SLC17A8: variants seen among roughly 807,000 people sequenced by gnomAD.
The protein encoded by SLC17A8 is vesicular glutamate transporter 3.
Under a neutral mutation model 58.0 loss-of-function variants are expected in SLC17A8, and 31 were observed. The ratio of observed to expected loss-of-function variants is 0.53; its 90% CI spans 0.40 to 0.72. The LOEUF (loss-of-function observed/expected upper bound fraction) is 0.72. Among genes scored for constraint, SLC17A8 ranks in the 30% least tolerant of loss-of-function variants. The probability of loss-of-function intolerance (pLI) is 0.00; values close to 1 mark genes in which losing one functional copy is unlikely to be tolerated. For synonymous variants in SLC17A8, 228 were observed against 249.0 expected, an observed-to-expected ratio of 0.92 and a Z score of 0.79; for missense variants, 655 against 727.8, an observed-to-expected ratio of 0.90 and a Z score of 1.15.
intron 3 of SLC17A8, among the ~76,000 whole-genome samples, chr12:100,391,967 T>C (rs566102598): frequency 2.5e-4 from 38 of 152,260 alleles, no homozygotes; most frequent in African/African-American, 9.1e-4. Flanking sequence ...AGTGGGTGTT[T>C]GAGCAATTAA....
At chr12:100,394,769 AGATT>A (rs1015006712) in intron 4 of SLC17A8, among the ~76,000 whole-genome samples, 3 of 147,786 alleles carry the variant, frequency 2.0e-5, no homozygotes, top group African/African-American at 7.4e-5. Flanking sequence ...AATTATATAT[AGATT>A]AATTATAACA....
intron 2 of SLC17A8, among the ~76,000 whole-genome samples, chr12:100,385,116 C>CTGTGTG (rs373349125): frequency 2.5e-4 from 37 of 148,854 alleles, no homozygotes; most frequent in Non-Finnish European, 5.2e-4. Context: ...CTCTCTCTCT[C>CTGTGTG]TGTGTGTGTG....
intron 2 of SLC17A8, among the ~76,000 whole-genome samples, chr12:100,387,495 T>C (rs1592996468): frequency 1.3e-5 from 2 of 152,208 alleles, no homozygotes; most frequent in East Asian, 3.9e-4. Flanking sequence ...CTAGGGGCTC[T>C]TCTTCATGTA....
intron 9 of SLC17A8, among the ~76,000 whole-genome samples, chr12:100,408,824 C>T (rs760315787): frequency 4.6e-5 from 7 of 152,164 alleles, no homozygotes; most frequent in Non-Finnish European, 8.8e-5. Flanking sequence ...TTCTAAGACA[C>T]ATATAGTTAG....
chr12:100,373,998 G>A (rs1952576996), intron 1 of SLC17A8, among the ~76,000 whole-genome samples: 2 of 152,170 alleles, frequency 1.3e-5, no homozygotes, highest in Admixed American at 6.6e-5. Context: ...GGAAACACCA[G>A]GGATGGCAGA....
Position 100,420,100 on chromosome 12 carries a change from G to A in SLC17A8, c.1711G>A (p.Asp571Asn). The A allele has an allele frequency of 1.2e-6, 2 of 1,614,042 alleles. No homozygotes were observed. The highest frequency in any genetic ancestry group is 1.1e-5 in the South Asian group (1 of 91,054). ...GAAAGGACAGAGAGGAGCGACCCTT[G>A]ATGAGGAAGAGCTGACATCCTACCA... is the stretch of plus-strand genomic sequence containing the variant. The part of the protein sequence containing the change: ...EWKGQRGATL[D>N]EEELTSYQNE... The change falls in exon 12 of 12, where the codon GAT becomes AAT. Residue 571 changes from aspartate (D) to asparagine (N), a missense_variant. Physicochemically the swap from Asp to Asn is conservative, Grantham distance 23. Transcript: ENST00000323346.
intron 9 of SLC17A8, among the ~76,000 whole-genome samples, chr12:100,407,357 A>G (rs890724211): frequency 6.6e-6 from 1 of 152,194 alleles, no homozygotes; most frequent in African/African-American, 2.4e-5. Flanking sequence ...TCTTGTTCCT[A>G]TTTAATTCTG....
chr12:100,375,471 G>A (rs1169211139), intron 1 of SLC17A8, among the ~76,000 whole-genome samples: 1 of 152,188 alleles, frequency 6.6e-6, no homozygotes, highest in African/African-American at 2.4e-5. Flanking sequence ...GCTGTCAGAG[G>A]AGTCCTGCCT....
At chr12:100,398,832 G>A (rs1463714323) in intron 5 of SLC17A8, among the ~76,000 whole-genome samples, 6 of 152,126 alleles carry the variant, frequency 3.9e-5, no homozygotes, top group African/African-American at 1.2e-4. Flanking sequence ...TGCTTTTCTC[G>A]TGGTAGTGAA....
intron 5 of SLC17A8, among the ~76,000 whole-genome samples, chr12:100,397,805 C>G (rs1169395736): frequency 6.6e-6 from 1 of 151,808 alleles, no homozygotes; most frequent in Non-Finnish European, 1.5e-5. Flanking sequence ...TAGCTGGGTG[C>G]GGTGGCTCAT....
chr12:100,403,758 G>T (rs902178855), intron 8 of SLC17A8, among the ~76,000 whole-genome samples: 1 of 152,158 alleles, frequency 6.6e-6, no homozygotes, highest in African/African-American at 2.4e-5. Context: ...GGTGCCAAGT[G>T]CTTTATCTCC....
intron 10 of SLC17A8, among the ~76,000 whole-genome samples, chr12:100,415,441 A>T (rs1952899421): frequency 6.6e-6 from 1 of 151,384 alleles, no homozygotes; most frequent in Non-Finnish European, 1.5e-5. Flanking sequence ...CTCAAAAAAA[A>T]AAAAAAAAAT....
chr12:100,357,359 C>T lies in SLC17A8; in HGVS notation c.-33C>T, dbSNP rs752411617. The T allele has an allele frequency of 8.4e-7, 1 of 1,188,214 alleles. No homozygotes were observed. The highest frequency in any genetic ancestry group is 1.3e-6 in the Non-Finnish European group (1 of 791,284). 73.6% of individuals were successfully genotyped at this position (1,188,214 alleles called of 1,614,324 possible). A position where few individuals can be genotyped will look rare whatever the true frequency, so the allele number is the denominator to read the frequency against. ...GAAGGATGACAGTTTTTGAGACTGACTGTTAACGGCTCAGAGGTGCCCCTC... is the reference window on the plus strand; with the variant it reads ...GAAGGATGACAGTTTTTGAGACTGATTGTTAACGGCTCAGAGGTGCCCCTC... On this transcript the variant is annotated 5_prime_UTR_variant, in exon 1 of 12. Coordinates refer to ENST00000323346, the MANE Select transcript of SLC17A8 (RefSeq NM_139319.3).
rs1404313319 is a variant in SLC17A8 at position 100,415,450 on chromosome 12, ATAG to A, written c.1297+2571_1297+2573del. On this transcript the variant is annotated intron_variant, in intron 10 of 11. Coordinates refer to ENST00000323346, the MANE Select transcript of SLC17A8 (RefSeq NM_139319.3). ...TTCTGTCTCAAAAAAAAAAAAAAAA[ATAG>A]ACAGGGTCTCGCTCTGACACACAGG... 5.7e-3 allele frequency among the ~76,000 whole-genome samples: 865 copies of A among 151,472 alleles called. 15 individuals carry two copies. The highest frequency in any genetic ancestry group is 0.02 in the African/African-American group (809 of 41,280).
rs78922837 is a variant in SLC17A8 at position 100,378,652 on chromosome 12, G to A, written c.102-2049G>A. On this transcript the variant is annotated intron_variant, in intron 1 of 11. Coordinates refer to ENST00000323346, the MANE Select transcript of SLC17A8 (RefSeq NM_139319.3). ...GGTGGGGATTTCTGGAGCAATATTCGTGAGGGGATAAAAGGGGACAAGATC... is the reference window on the plus strand; with the variant it reads ...GGTGGGGATTTCTGGAGCAATATTCATGAGGGGATAAAAGGGGACAAGATC... Among the ~76,000 whole-genome samples the A allele has an allele frequency of 3.2e-3, 492 of 152,154 alleles. 1 individual carries two copies. The highest frequency in any genetic ancestry group is 5.8e-3 in the Non-Finnish European group (397 of 67,994).
Position 100,401,800 on chromosome 12 carries a change from G to A in SLC17A8, c.700G>A (p.Ala234Thr). Residue 234 changes from alanine to threonine, a missense_variant, in exon 6 of 12, where the codon GCC becomes ACC. Transcript: ENST00000323346. ...AGGTTCCTATGCAGGGGCAGTGGTT[G>A]CCATGCCCCTGGCTGGGGTGTTGGT... is the stretch of plus-strand genomic sequence containing the variant. ...FCGSYAGAVV[A>T]MPLAGVLVQY... The A allele has an allele frequency of 5.6e-6, 9 of 1,613,772 alleles. No individual in the cohort carries two copies. The highest frequency in any genetic ancestry group is 6.8e-6 in the Non-Finnish European group (8 of 1,179,680).
At chr12:100,396,511 G>A (rs1216098178) in intron 5 of SLC17A8, 94 bp downstream of exon 5, 3 of 934,096 alleles carry the variant, frequency 3.2e-6, no homozygotes, top group South Asian at 1.4e-5. Flanking sequence ...ACTTTAGGGA[G>A]GCCGAGGCAG....
chr12:100,415,429 G>A, intron 10 of SLC17A8, among the ~76,000 whole-genome samples: 1 of 107,708 alleles, frequency 9.3e-6, no homozygotes, highest in Non-Finnish European at 1.9e-5. Flanking sequence ...GAGAGATTCT[G>A]TCTCAAAAAA....
At chr12:100,365,593 C>A (rs985681455) in intron 1 of SLC17A8, among the ~76,000 whole-genome samples, 1 of 152,194 alleles carries the variant, frequency 6.6e-6, no homozygotes, top group African/African-American at 2.4e-5. Context: ...GTCTGCCAAC[C>A]ATTGTGCTTC....
Sources: allele counts gnomAD v4.1 joint callset (sites outside exome capture counted in the v4.1 genomes callset), GRCh38; gene constraint gnomAD v4.1.1; transcripts MANE v1.5; gene names NCBI Gene and HGNC (gene_info 2026-07-23, HGNC 2026-07-21).